The following WWOX variants were observed in gnomAD, a reference collection of about 807,000 sequenced individuals.
WWOX encodes the protein WW domain-containing oxidoreductase.
WWOX carries 69 observed loss-of-function variants against 46.2 expected under a neutral mutation model. That is an observed-to-expected ratio of 1.49 (90% CI 1.23 to 1.82). The LOEUF is 1.82. WWOX is among the 40% of genes most tolerant of loss of function. WWOX has a pLI of 0.00. For synonymous variants in WWOX, 359 were observed against 202.6 expected, an observed-to-expected ratio of 1.77 and a Z score of -6.56; for missense variants, 919 against 542.6, an observed-to-expected ratio of 1.69 and a Z score of -6.89.
At chr16:78,738,959 C>T (rs765064344) in intron 8 of WWOX, among the ~76,000 whole-genome samples, 1 of 152,138 alleles carries the variant, frequency 6.6e-6, no homozygotes, top group Non-Finnish European at 1.5e-5. Context: ...TCTCATGCTG[C>T]CAATTTAGTC....
At chr16:78,106,821 C>T (rs1044490100) in intron 1 of WWOX, among the ~76,000 whole-genome samples, 21 of 152,194 alleles carry the variant, frequency 1.4e-4, no homozygotes, top group Admixed American at 8.5e-4. Context: ...TTTAATCGTT[C>T]TCCAAGCACT....
At chr16:78,642,704 G>T (rs1442752271) in intron 8 of WWOX, among the ~76,000 whole-genome samples, 1 of 152,090 alleles carries the variant, frequency 6.6e-6, no homozygotes, top group African/African-American at 2.4e-5. Context: ...GACCGCTATG[G>T]TATTTCTTTT....
At chr16:78,948,387 C>A (rs1033819232) in intron 8 of WWOX, among the ~76,000 whole-genome samples, 3 of 152,226 alleles carry the variant, frequency 2.0e-5, no homozygotes, top group Non-Finnish European at 2.9e-5. Context: ...CCTAACAGAT[C>A]TCAGAACTTG....
chr16:78,706,753 A>C (rs559042620), intron 8 of WWOX, among the ~76,000 whole-genome samples: 1 of 152,164 alleles, frequency 6.6e-6, no homozygotes, highest in Non-Finnish European at 1.5e-5. Flanking sequence ...TTGGCACCTC[A>C]GATGGTTCTT....
At chr16:78,445,794 C>T (rs930134626) in intron 8 of WWOX, among the ~76,000 whole-genome samples, 2 of 150,700 alleles carry the variant, frequency 1.3e-5, no homozygotes, top group African/African-American at 4.9e-5. Flanking sequence ...ATGAGAATCA[C>T]TTGAACCCAG....
At chr16:78,735,627 A>C (rs2049072886) in intron 8 of WWOX, among the ~76,000 whole-genome samples, 1 of 152,154 alleles carries the variant, frequency 6.6e-6, no homozygotes, top group Admixed American at 6.5e-5. Flanking sequence ...ACATGAGGAG[A>C]CAGCAGACAG....
At chr16:78,832,292 T>C (rs908846666) in intron 8 of WWOX, among the ~76,000 whole-genome samples, 2 of 152,160 alleles carry the variant, frequency 1.3e-5, no homozygotes, top group African/African-American at 4.8e-5. Context: ...CCTCACAATA[T>C]GTCATCTGGT....
intron 8 of WWOX, among the ~76,000 whole-genome samples, chr16:79,124,688 G>A (rs994900253): frequency 1.3e-5 from 2 of 152,182 alleles, no homozygotes; most frequent in Admixed American, 6.5e-5. Context: ...GATGGGTTGG[G>A]CTTATATTGT....
intron 8 of WWOX, among the ~76,000 whole-genome samples, chr16:78,966,074 G>T (rs1245001289): frequency 6.6e-6 from 1 of 152,188 alleles, no homozygotes; most frequent in Non-Finnish European, 1.5e-5. Flanking sequence ...GACCAGCTCT[G>T]AGGATTCCAA....
intron 8 of WWOX, among the ~76,000 whole-genome samples, chr16:78,923,551 A>G (rs948373356): frequency 3.7e-4 from 57 of 152,210 alleles, no homozygotes; most frequent in Non-Finnish European, 3.1e-4. Flanking sequence ...CATACATAAT[A>G]TATATAAATT....
At chr16:78,485,617 C>G (rs779842335) in intron 8 of WWOX, among the ~76,000 whole-genome samples, 7 of 152,292 alleles carry the variant, frequency 4.6e-5, no homozygotes, top group Middle Eastern at 3.4e-3. Flanking sequence ...CGCATTTGTT[C>G]AGCTCTGTGT....
intron 8 of WWOX, among the ~76,000 whole-genome samples, chr16:79,202,050 A>C (rs2051364587): frequency 7.0e-6 from 1 of 142,864 alleles, no homozygotes; most frequent in East Asian, 2.1e-4. Flanking sequence ...AATCTGGCCC[A>C]GTGCCTTTTT....
intron 8 of WWOX, among the ~76,000 whole-genome samples, chr16:79,113,779 G>C (rs1363583616): frequency 6.6e-6 from 1 of 152,228 alleles, no homozygotes; most frequent in Non-Finnish European, 1.5e-5. Context: ...GGGTTAAGGA[G>C]GGCAAAGGAG....
intron 8 of WWOX, among the ~76,000 whole-genome samples, chr16:78,815,091 G>A (rs1015045526): frequency 6.6e-6 from 1 of 152,232 alleles, no homozygotes; most frequent in Non-Finnish European, 1.5e-5. Flanking sequence ...TCGGGAGGCC[G>A]AGGTGGGCAG....
At chr16:78,845,315 T>G (rs1365751362) in intron 8 of WWOX, among the ~76,000 whole-genome samples, 1 of 152,188 alleles carries the variant, frequency 6.6e-6, no homozygotes, top group Non-Finnish European at 1.5e-5. Context: ...CAACAAGGTT[T>G]CCAGCCTTTC....
intron 8 of WWOX, among the ~76,000 whole-genome samples, chr16:79,075,207 G>GT (rs1253604200): frequency 6.6e-6 from 1 of 152,190 alleles, no homozygotes; most frequent in African/African-American, 2.4e-5. Context: ...AGCTTCCCAG[G>GT]TGGTTCTGCT....
intron 8 of WWOX, among the ~76,000 whole-genome samples, chr16:78,902,870 C>A (rs540223688): frequency 5.3e-5 from 8 of 152,282 alleles, no homozygotes; most frequent in African/African-American, 1.9e-4. Context: ...ATCTAAAATA[C>A]AAGGGAAAAG....
intron 8 of WWOX, among the ~76,000 whole-genome samples, chr16:78,995,208 C>T (rs1292417446): frequency 6.6e-6 from 1 of 151,934 alleles, no homozygotes; most frequent in Non-Finnish European, 1.5e-5. Context: ...TGCATTCTTT[C>T]CAAATACGTG....
At chr16:78,726,097 C>A (rs1478570216) in intron 8 of WWOX, among the ~76,000 whole-genome samples, 3 of 138,688 alleles carry the variant, frequency 2.2e-5, no homozygotes, top group Admixed American at 7.2e-5. Context: ...TCCTCCCTCC[C>A]TCCCTCCCTC....
Sources: gnomAD v4.1 joint callset for allele counts (sites outside exome capture counted in the v4.1 genomes callset) on GRCh38, gnomAD v4.1.1 for gene constraint, MANE v1.5 for transcripts, NCBI Gene and HGNC (gene_info 2026-07-23, HGNC 2026-07-21) for gene names.